Variants in PTP4A2 observed in about 807,000 individuals in gnomAD.
PTP4A2 encodes the protein protein tyrosine phosphatase 4A2, also known as protein tyrosine phosphatase type IVA 2.
PTP4A2 carries 2 observed loss-of-function variants against 22.9 expected under a neutral mutation model. The observed-to-expected ratio is 0.09, with a 90% CI of 0.04 to 0.27. The LOEUF is 0.27. Among genes scored for constraint, PTP4A2 ranks in the 10% least tolerant of loss-of-function variants. The pLI, the probability that PTP4A2 is intolerant of heterozygous loss-of-function variation, is 1.00. For synonymous variants in PTP4A2, 68 were observed against 69.1 expected, an observed-to-expected ratio of 0.98 and a Z score of 0.08; for missense variants, 103 against 205.1, an observed-to-expected ratio of 0.50 and a Z score of 3.04.
At chr1:31,929,257 C>T (rs1474990095) in intron 1 of PTP4A2, among the ~76,000 whole-genome samples, 3 of 152,154 alleles carry the variant, frequency 2.0e-5, no homozygotes, top group South Asian at 4.1e-4. Flanking sequence ...AGCACTATGG[C>T]CAACGCCGAC....
chr1:31,919,756 A>G (rs1369499243), intron 1 of PTP4A2, 98 bp from the exon 2 acceptor site: 2 of 152,558 alleles, frequency 1.3e-5, no homozygotes, highest in African/African-American at 4.8e-5. Flanking sequence ...GCCCAAAGCG[A>G]TGTGAAATGT....
At chr1:31,933,059 TG>T (rs1652788613) in intron 1 of PTP4A2, 1 of 152,156 alleles carries the variant, frequency 6.6e-6, no homozygotes, top group Non-Finnish European at 1.5e-5. Flanking sequence ...TAGACTGCAG[TG>T]GCATAGTCTC....
chr1:31,917,264 A>C (rs1274483691), intron 2 of PTP4A2, among the ~76,000 whole-genome samples: 2 of 152,236 alleles, frequency 1.3e-5, no homozygotes, highest in East Asian at 1.9e-4. Flanking sequence ...CAAAGTTAAG[A>C]AGCTCAGGGA....
intron 1 of PTP4A2, among the ~76,000 whole-genome samples, chr1:31,932,024 C>T (rs554381270): frequency 1.3e-5 from 2 of 152,106 alleles, no homozygotes; most frequent in Admixed American, 1.3e-4. Context: ...TCCTGTAAAA[C>T]GGTGGGGAAA....
chr1:31,931,535 T>C (rs1398350351), intron 1 of PTP4A2, among the ~76,000 whole-genome samples: 2 of 152,152 alleles, frequency 1.3e-5, no homozygotes, highest in African/African-American at 4.8e-5. Context: ...AGCTCCGTAA[T>C]TACCAAAAAG....
rs776748524 is a variant in PTP4A2, at chr1:31,922,623, TTTCTTTCTTTC to T, written c.-593-2976_-593-2966del. ...CTTTCTTTCTTTCTTTCTTTCTTTC[TTTCTTTCTTTC>T]TTTTATTTATTTTGAGACAGGTTTT... On this transcript the variant is annotated intron_variant, in intron 1 of 5. Transcript: ENST00000647444. Among the ~76,000 whole-genome samples the T allele has an allele frequency of 7.6e-3, 894 of 117,370 alleles. 8 individuals are homozygous for T. Among genetic ancestry groups the T allele is most frequent in the African/African-American group, 0.033 (799 of 24,198 alleles). 77.0% of individuals were successfully genotyped at this position (117,370 alleles called of 152,430 possible). A position where few individuals can be genotyped will look rare whatever the true frequency, so the allele number is the denominator to read the frequency against.
chr1:31,908,824 T>C lies in PTP4A2; in HGVS notation c.*28A>G, dbSNP rs751911060. ...CAAGAGTTCCCTCTAAATGGCACAA[T>C]CAAGTCAGCCTTCGTTTACATTTCC... On this transcript the variant is annotated 3_prime_UTR_variant, in exon 6 of 6. Transcript: ENST00000647444. 1.7e-5 allele frequency: 26 copies of C among 1,525,250 alleles called. No homozygotes were observed. The highest frequency in any genetic ancestry group is 1.4e-4 in the African/African-American group (10 of 72,894). 94.5% of individuals were successfully genotyped at this position (1,525,250 alleles called of 1,614,324 possible).
intron 1 of PTP4A2, among the ~76,000 whole-genome samples, chr1:31,926,149 A>AAAAATATAT (rs59088489): frequency 2.3e-5 from 3 of 131,340 alleles, no homozygotes; most frequent in African/African-American, 8.5e-5. Context: ...AAAAAAAAAA[A>AAAAATATAT]ATATATATAT....
chr1:31,925,424 G>A (rs1422757795), intron 1 of PTP4A2, among the ~76,000 whole-genome samples: 3 of 152,084 alleles, frequency 2.0e-5, no homozygotes, highest in Non-Finnish European at 2.9e-5. Context: ...TAAAATTCAC[G>A]TCCTGCCTTG....
At chr1:31,909,245 TTGAAAG>T (rs751224142) in intron 5 of PTP4A2, among the ~76,000 whole-genome samples, 42 of 152,022 alleles carry the variant, frequency 2.8e-4, no homozygotes, top group Middle Eastern at 3.4e-3. Context: ...AAAGGAAGGG[TTGAAAG>T]GGAAAGGGCA....
At chr1:31,919,850 GGT>G (rs1248078735) in intron 1 of PTP4A2, among the ~76,000 whole-genome samples, 192 bp from the exon 2 acceptor site, 2 of 152,102 alleles carry the variant, frequency 1.3e-5, no homozygotes, top group Non-Finnish European at 2.9e-5. Flanking sequence ...ACTCGAGCCG[GGT>G]GTGGTGGCTG....
At chr1:31,927,022 T>C (rs769404161) in intron 1 of PTP4A2, among the ~76,000 whole-genome samples, 2 of 152,092 alleles carry the variant, frequency 1.3e-5, no homozygotes, top group Admixed American at 6.6e-5. Flanking sequence ...CCAATGCTAC[T>C]GGAACAGAGA....
intron 1 of PTP4A2, among the ~76,000 whole-genome samples, chr1:31,926,768 A>G (rs1345178250): frequency 2.6e-5 from 4 of 152,218 alleles, no homozygotes; most frequent in African/African-American, 4.8e-5. Flanking sequence ...GCAGAAAAAA[A>G]GAAATAAAAA....
intron 2 of PTP4A2, 84 bp from the exon 3 acceptor site, chr1:31,916,071 C>A (rs13374638): frequency 9.8e-6 from 9 of 917,284 alleles, no homozygotes; most frequent in African/African-American, 1.7e-5. Flanking sequence ...ATAGGCCGGG[C>A]GGGGTGGTTC....
intron 1 of PTP4A2, among the ~76,000 whole-genome samples, chr1:31,922,097 T>C (rs1652183591): frequency 6.6e-6 from 1 of 152,224 alleles, no homozygotes; most frequent in Admixed American, 6.5e-5. Flanking sequence ...ATAGCCACCT[T>C]AGATTACAGA....
In PTP4A2 at chr1:31,919,197, T is replaced by A. The variant is rs573508925; in HGVS notation, c.-132A>T. 4 of 510,556 alleles carry A rather than the reference T, an allele frequency of 7.8e-6. No individual in the cohort carries two copies. The South Asian group carries it at 9.6e-5, about 12-fold the overall frequency. 31.6% of individuals were successfully genotyped at this position (510,556 alleles called of 1,614,324 possible). Reference sequence around the variant, plus strand: ...CACTAAAATGCCTATTATCAATCAGTGTTTTCTCTATTCAACTTGTTTATT... The same window carrying A: ...CACTAAAATGCCTATTATCAATCAGAGTTTTCTCTATTCAACTTGTTTATT... On this transcript the variant is annotated 5_prime_UTR_variant, in exon 2 of 6. Coordinates refer to ENST00000647444, the MANE Select transcript of PTP4A2 (RefSeq NM_080391.4).
chr1:31,911,596 T>A lies in PTP4A2; in HGVS notation c.320+100A>T, dbSNP rs981143138. On this transcript the variant is annotated intron_variant, in intron 4 of 5. Coordinates refer to ENST00000647444, the MANE Select transcript of PTP4A2 (RefSeq NM_080391.4). ...TTCCTTTCAGGTAATTTAATGTTAT[T>A]TAGTATAATATATGCAAATGTCTAC... 1.8e-5 allele frequency: 20 copies of A among 1,089,286 alleles called. No individual in the cohort carries two copies. In the African/African-American group the frequency reaches 2.9e-4, roughly 16 times the overall value. 67.5% of individuals were successfully genotyped at this position (1,089,286 alleles called of 1,614,324 possible). A position where few individuals can be genotyped will look rare whatever the true frequency, so the allele number is the denominator to read the frequency against.
intron 1 of PTP4A2, among the ~76,000 whole-genome samples, chr1:31,929,908 G>A (rs1286739655): frequency 6.6e-6 from 1 of 152,202 alleles, no homozygotes; most frequent in African/African-American, 2.4e-5. Context: ...TAAAATGGCT[G>A]TAACAGCTGC....
intron 2 of PTP4A2, 111 bp downstream of exon 2, chr1:31,918,859 G>T: frequency 1.6e-6 from 1 of 640,154 alleles, no homozygotes; most frequent in Non-Finnish European, 2.8e-6. Flanking sequence ...TTCAAACCAG[G>T]ATTGGCAGGA....
Sources: gnomAD v4.1 joint callset for allele counts (sites outside exome capture counted in the v4.1 genomes callset) on GRCh38, gnomAD v4.1.1 for gene constraint, MANE v1.5 for transcripts, NCBI Gene and HGNC (gene_info 2026-07-23, HGNC 2026-07-21) for gene names.